DLG2: variants seen among roughly 807,000 people sequenced by gnomAD.
The protein encoded by DLG2 is discs large MAGUK scaffold protein 2.
Under a neutral mutation model 132.5 loss-of-function variants are expected in DLG2, and 45 were observed. The ratio of observed to expected loss-of-function variants is 0.34; its 90% confidence interval spans 0.27 to 0.44. DLG2 has a LOEUF of 0.44. Among genes scored for constraint, DLG2 ranks in the 20% least tolerant of loss-of-function variants. DLG2 has a pLI of 1.00. For missense variants in DLG2, 1,045 were observed against 1,196.9 expected, an observed-to-expected ratio of 0.87 and a Z score of 1.87; for synonymous variants, 424 against 419.6, an observed-to-expected ratio of 1.01 and a Z score of -0.13.
chr11:85,571,452 C>T (rs891333600), intron 3 of DLG2, among the ~76,000 whole-genome samples: 3 of 152,240 alleles, frequency 2.0e-5, no homozygotes, highest in African/African-American at 7.2e-5. Flanking sequence ...CCTGTCTTTG[C>T]AGAAAAACTC....
At chr11:84,487,857 G>C (rs929456307) in intron 7 of DLG2, among the ~76,000 whole-genome samples, 7 of 152,118 alleles carry the variant, frequency 4.6e-5, no homozygotes, top group Non-Finnish European at 7.4e-5. Flanking sequence ...TGAAGAACCA[G>C]TTGGGGCGAA....
At chr11:84,594,215 T>C (rs570810490) in intron 6 of DLG2, among the ~76,000 whole-genome samples, 1 of 152,276 alleles carries the variant, frequency 6.6e-6, no homozygotes, top group South Asian at 2.1e-4. Context: ...TCTGATTTCT[T>C]TAGCCCTGGT....
At chr11:84,203,046 A>T (rs1269032016) in intron 8 of DLG2, among the ~76,000 whole-genome samples, 1 of 152,172 alleles carries the variant, frequency 6.6e-6, no homozygotes, top group African/African-American at 2.4e-5. Context: ...GTTGTGGAAG[A>T]CACTGTGGTG....
At chr11:84,403,418 T>G (rs750399532) in intron 7 of DLG2, among the ~76,000 whole-genome samples, 1 of 152,156 alleles carries the variant, frequency 6.6e-6, no homozygotes, top group Non-Finnish European at 1.5e-5. Flanking sequence ...TACTGTTTAT[T>G]TTATCTCCAT....
chr11:83,963,997 T>C (rs2089586486), intron 13 of DLG2, among the ~76,000 whole-genome samples: 1 of 152,012 alleles, frequency 6.6e-6, no homozygotes, highest in African/African-American at 2.4e-5. Flanking sequence ...TGCATACCTC[T>C]TATTCTGCCA....
chr11:83,821,955 A>G (rs1382880471), intron 17 of DLG2, among the ~76,000 whole-genome samples: 2 of 152,158 alleles, frequency 1.3e-5, no homozygotes, highest in Non-Finnish European at 2.9e-5. Flanking sequence ...CCTTGTCATT[A>G]AAAGAGGGAA....
intron 15 of DLG2, among the ~76,000 whole-genome samples, chr11:83,886,228 G>C (rs572091267): frequency 0.032 from 4,911 of 152,118 alleles, 199 homozygotes; most frequent in African/African-American, 0.093. Context: ...GACACATATA[G>C]GCTCAAAATA....
chr11:84,852,155 C>T (rs952071547), intron 6 of DLG2, among the ~76,000 whole-genome samples: 2 of 151,968 alleles, frequency 1.3e-5, no homozygotes, highest in African/African-American at 4.8e-5. Flanking sequence ...TATACATCAT[C>T]CCTTGCTCTA....
intron 6 of DLG2, among the ~76,000 whole-genome samples, chr11:84,650,867 G>GTATATATATATATATA (rs1158584073): frequency 1.0e-5 from 1 of 95,688 alleles, no homozygotes; most frequent in African/African-American, 5.1e-5. Context: ...GTGTGTGTGT[G>GTATATATATATATATA]TGTGTGTATA....
intron 6 of DLG2, among the ~76,000 whole-genome samples, chr11:84,900,808 C>T (rs575274458): frequency 2.7e-4 from 41 of 151,966 alleles, no homozygotes; most frequent in Non-Finnish European, 4.7e-4. Context: ...ATTTACCAAG[C>T]TTCTGATCTA....
In DLG2 at chr11:85,133,096, TCCTGTGAGTGC is replaced by T. The variant is rs531474332; in HGVS notation, c.283-21372_283-21362del. On this transcript the variant is annotated intron_variant, in intron 5 of 27. Coordinates refer to ENST00000376104, the MANE Select transcript of DLG2 (RefSeq NM_001142699.3). ...GCGGATTCCTTGATTGGAACAAGGCTCCTGTGAGTGCCCCGCACAGTTCTATCGTTGCGATG... is the reference window on the plus strand; with the variant it reads ...GCGGATTCCTTGATTGGAACAAGGCTCCCGCACAGTTCTATCGTTGCGATG... 616 of 326,032 alleles carry T rather than the reference TCCTGTGAGTGC, an allele frequency of 1.9e-3. 4 individuals carry two copies. The highest frequency in any genetic ancestry group is 0.012 in the African/African-American group (568 of 46,572). The allele number at this position is 326,032 out of a possible 1,614,324, so 20.2% of individuals were successfully genotyped here. A position where few individuals can be genotyped will look rare whatever the true frequency, so the allele number is the denominator to read the frequency against.
chr11:84,091,030 C>G (rs1323742733), intron 10 of DLG2, among the ~76,000 whole-genome samples: 1 of 152,060 alleles, frequency 6.6e-6, no homozygotes, highest in Non-Finnish European at 1.5e-5. Context: ...CAAAAAATAT[C>G]AGAAAGACAT....
intron 18 of DLG2, among the ~76,000 whole-genome samples, chr11:83,769,935 T>C (rs377319294): frequency 1.3e-5 from 2 of 152,168 alleles, no homozygotes; most frequent in South Asian, 2.1e-4. Flanking sequence ...TCTTCCTAAG[T>C]CTGTTGTCCT....
intron 7 of DLG2, among the ~76,000 whole-genome samples, chr11:84,252,029 T>C (rs1348643278): frequency 6.6e-6 from 1 of 152,154 alleles, no homozygotes; most frequent in East Asian, 1.9e-4. Flanking sequence ...TTCATAGTTA[T>C]TCTCTTCAAA....
rs531112445 is a variant in DLG2, at chr11:85,042,892, C to T, written c.357+68769G>A. Among the ~76,000 whole-genome samples, 23 of 151,830 alleles carry T rather than the reference C, an allele frequency of 1.5e-4. No individual in the cohort carries two copies. In the South Asian group the frequency reaches 4.6e-3, roughly 30 times the overall value. On this transcript the variant is annotated intron_variant, in intron 6 of 27. Coordinates refer to ENST00000376104, the MANE Select transcript of DLG2 (RefSeq NM_001142699.3). ...TTAGAAAATAAAGGAGGAAAATAAC[C>T]AATCAGAGTCTCACTGCAAAATTAT...
At chr11:84,714,647 T>TTTCTCTC (rs2060984125) in intron 6 of DLG2, among the ~76,000 whole-genome samples, 3 of 90,684 alleles carry the variant, frequency 3.3e-5, no homozygotes, top group African/African-American at 1.8e-4. Context: ...CTCTCTCTCT[T>TTTCTCTC]TCTCTCTCTC....
intron 6 of DLG2, among the ~76,000 whole-genome samples, chr11:84,737,518 G>GAGAGAT (rs1222252756): frequency 1.3e-5 from 2 of 151,908 alleles, no homozygotes; most frequent in Non-Finnish European, 2.9e-5. Flanking sequence ...GAGAGAGAGA[G>GAGAGAT]AGAGAGAGAA....
chr11:84,873,630 G>C (rs758141440), intron 6 of DLG2, among the ~76,000 whole-genome samples: 2 of 152,200 alleles, frequency 1.3e-5, no homozygotes, highest in Non-Finnish European at 2.9e-5. Context: ...TTTCCTGAAA[G>C]ATTAGGGAGA....
chr11:85,542,389 A>C (rs2076029247), intron 3 of DLG2, among the ~76,000 whole-genome samples: 1 of 152,186 alleles, frequency 6.6e-6, no homozygotes, highest in South Asian at 2.1e-4. Context: ...ATACCTATGC[A>C]TTTGATTAAT....
Sources: gnomAD v4.1 joint callset for allele counts (sites outside exome capture counted in the v4.1 genomes callset) on GRCh38, gnomAD v4.1.1 for gene constraint, MANE v1.5 for transcripts, NCBI Gene and HGNC (gene_info 2026-07-23, HGNC 2026-07-21) for gene names.